The following EML6 variants were observed in gnomAD, a reference collection of about 807,000 sequenced individuals.
EML6 encodes the protein echinoderm microtubule-associated protein-like 6.
EML6 carries 154 observed loss-of-function variants against 240.1 expected under a neutral mutation model. That is an observed-to-expected ratio of 0.64 (90% CI 0.56 to 0.73). The LOEUF is 0.73. Among genes scored for constraint, EML6 ranks in the 30% least tolerant of loss-of-function variants. EML6 has a pLI of 0.00. For synonymous variants in EML6, 1,148 were observed against 899.0 expected (o/e 1.28, Z -4.95); for missense variants, 2,964 against 2,474.6 (o/e 1.20, Z -4.20).
intron 21 of EML6, 125 bp downstream of exon 21, chr2:54,895,525 C>A: frequency 1.2e-6 from 1 of 852,368 alleles, no homozygotes; most frequent in Non-Finnish European, 1.8e-6. Context: ...AAGAGTTGAA[C>A]TAGTTACCTA....
intron 2 of EML6, among the ~76,000 whole-genome samples, chr2:54,738,699 C>T (rs780795957): frequency 2.0e-5 from 3 of 152,174 alleles, no homozygotes; most frequent in Non-Finnish European, 2.9e-5. Context: ...TCAGTCAATA[C>T]TATGTTGATG....
chr2:54,928,316 C>G lies in EML6; in HGVS notation c.3679C>G (p.Gln1227Glu). The G allele has an allele frequency of 6.4e-7, 1 of 1,551,706 alleles. No individual in the cohort carries two copies. The highest frequency in any genetic ancestry group is 8.7e-7 in the Non-Finnish European group (1 of 1,146,878). Residue 1227 changes from glutamine (Q) to glutamate (E), a missense_variant, in exon 27 of 42, where the codon CAG becomes GAG. Coordinates refer to ENST00000356458, the MANE Select transcript of EML6 (RefSeq NM_001039753.4). ...VKLFSYPVKGQHARFKKYVGH... is the reference protein window; with the variant it reads ...VKLFSYPVKGEHARFKKYVGH... ...TAACCAATTTCGGGCTTTACAGGGACAGCACGCAAGATTCAAGAAGTATGT... is the reference window on the plus strand; with the variant it reads ...TAACCAATTTCGGGCTTTACAGGGAGAGCACGCAAGATTCAAGAAGTATGT...
chr2:54,845,008 A>G (rs949400376), intron 8 of EML6, among the ~76,000 whole-genome samples: 4 of 152,182 alleles, frequency 2.6e-5, no homozygotes, highest in African/African-American at 9.6e-5. Context: ...GTGTGAGAGG[A>G]ACAGACTGAT....
At chr2:54,880,859 C>T (rs1671774452) in intron 17 of EML6, 1 of 152,120 alleles carries the variant, frequency 6.6e-6, no homozygotes, top group African/African-American at 2.4e-5. Flanking sequence ...ATTTCAAAAG[C>T]AACAGAAATG....
intron 2 of EML6, among the ~76,000 whole-genome samples, chr2:54,777,653 G>A (rs979519172): frequency 6.6e-6 from 1 of 152,096 alleles, no homozygotes; most frequent in East Asian, 1.9e-4. Context: ...CATGAGTTCT[G>A]TTGGGCACTG....
chr2:54,776,957 TA>T (rs980894931), intron 2 of EML6, among the ~76,000 whole-genome samples: 2 of 151,982 alleles, frequency 1.3e-5, no homozygotes, highest in African/African-American at 2.4e-5. Context: ...TTCTTTGGTT[TA>T]AAAAAAACAC....
At chr2:54,732,375 A>G (rs1683213987) in intron 2 of EML6, among the ~76,000 whole-genome samples, 1 of 151,914 alleles carries the variant, frequency 6.6e-6, no homozygotes, top group African/African-American at 2.4e-5. Context: ...ACCTAATCCA[A>G]GGTCATCAAG....
Position 54,970,123 on chromosome 2 carries a change from T to C in EML6, c.*28T>C. ...TGCCAGAAGCCTCTTATGTTATTGC[T>C]GCTGCTGCTACCAGCCAGCAACTGC... On this transcript the variant is annotated 3_prime_UTR_variant, in exon 42 of 42. Transcript: ENST00000356458. 1.3e-6 allele frequency: 2 copies of C among 1,551,312 alleles called. No individual in the cohort carries two copies. The highest frequency in any genetic ancestry group is 1.4e-5 in the African/African-American group (1 of 73,176).
chr2:54,957,811 G>A lies in EML6; in HGVS notation c.4508G>A (p.Gly1503Glu). 1 of 1,549,984 alleles carries A rather than the reference G, an allele frequency of 6.5e-7. No homozygotes were observed. The highest frequency in any genetic ancestry group is 8.7e-7 in the Non-Finnish European group (1 of 1,146,994). The change falls in exon 33 of 42, where the codon GGG becomes GAG. Residue 1503 changes from glycine (G) to glutamate (E), a missense_variant. Transcript: ENST00000356458. ...WQEGAKVASR[G>E]GHLERIFVVE... ...ACAGGTGCCAAGGTTGCCAGCCGAG[G>A]GGGTCACCTGGAGCGCATATTTGTG...
chr2:54,846,150 G>T (rs895199147), intron 8 of EML6, among the ~76,000 whole-genome samples: 6 of 152,138 alleles, frequency 3.9e-5, no homozygotes, highest in Non-Finnish European at 8.8e-5. Context: ...CAGGAGTCCT[G>T]TGAGGTGTCC....
At chr2:54,780,808 C>T (rs1054268347) in intron 2 of EML6, among the ~76,000 whole-genome samples, 6 of 152,050 alleles carry the variant, frequency 3.9e-5, no homozygotes, top group Admixed American at 1.3e-4. Context: ...GTGAGTCACA[C>T]GAATAATGAT....
At chr2:54,904,419 A>T (rs769532935) in intron 24 of EML6, among the ~76,000 whole-genome samples, 1 of 152,196 alleles carries the variant, frequency 6.6e-6, no homozygotes, top group Non-Finnish European at 1.5e-5. Flanking sequence ...GTAGAGAAGC[A>T]CCAAGCCCAA....
chr2:54,775,395 A>T (rs1334632924), intron 2 of EML6, among the ~76,000 whole-genome samples: 1 of 151,948 alleles, frequency 6.6e-6, no homozygotes, highest in East Asian at 1.9e-4. Context: ...GGACTTTTGG[A>T]CTTGTTCTTT....
At chr2:54,968,364 C>G in intron 40 of EML6, 83 bp downstream of exon 40, 1 of 1,281,026 alleles carries the variant, frequency 7.8e-7, no homozygotes, top group Non-Finnish European at 1.1e-6. Context: ...AGATGGCCCT[C>G]TGGGAGACAC....
rs1235639245 is a variant in EML6 at position 54,950,713 on chromosome 2, C to T, written c.4147C>T (p.Leu1383Phe). Residue 1383 changes from leucine to phenylalanine, a missense_variant, in exon 30 of 42, where the codon CTT becomes TTT. Physicochemically the swap from Leu to Phe is conservative, Grantham distance 22 (BLOSUM62 0). Coordinates refer to ENST00000356458, the MANE Select transcript of EML6 (RefSeq NM_001039753.4). ...GFDCRNNLHY[L>F]NDGADIIFHT... Reference sequence around the variant, plus strand: ...CGACTGTCGAAATAACCTGCATTACCTTAATGATGGCGCTGACATCATCTT... The same window carrying T: ...CGACTGTCGAAATAACCTGCATTACTTTAATGATGGCGCTGACATCATCTT... 2.6e-6 allele frequency: 4 copies of T among 1,551,536 alleles called. No homozygotes were observed. Among genetic ancestry groups the T allele is most frequent in the South Asian group, 1.2e-5 (1 of 84,062 alleles).
chr2:54,964,660 G>A lies in EML6; in HGVS notation c.5420G>A (p.Arg1807His), dbSNP rs1285317053. Residue 1807 changes from arginine to histidine, a missense_variant, in exon 38 of 42, where the codon CGC (arginine) becomes CAC (histidine). Arg to His is a conservative substitution (Grantham distance 29, BLOSUM62 0). Transcript: ENST00000356458. ...CTCACTCAGGGCACAAATCTGAACC[G>A]CATTGGCTACTGCAAAGATATCCCA... ...YDLTQGTNLN[R>H]IGYCKDIPSF... 3.2e-6 allele frequency: 5 copies of A among 1,552,326 alleles called. No individual in the cohort carries two copies. Among genetic ancestry groups the A allele is most frequent in the Non-Finnish European group, 4.4e-6 (5 of 1,147,102 alleles).
At chr2:54,761,647 G>C (rs1054607652) in intron 2 of EML6, among the ~76,000 whole-genome samples, 1 of 152,044 alleles carries the variant, frequency 6.6e-6, no homozygotes, top group African/African-American at 2.4e-5. Context: ...TAATTTGTCT[G>C]AATTATGATA....
At chr2:54,959,840 C>T (rs1346519335) in intron 34 of EML6, among the ~76,000 whole-genome samples, 2 of 152,106 alleles carry the variant, frequency 1.3e-5, no homozygotes, top group African/African-American at 2.4e-5. Flanking sequence ...GTTGATAAAA[C>T]GTTATTCTTA....
intron 17 of EML6, chr2:54,882,651 G>A (rs1195776389): frequency 6.6e-6 from 1 of 152,034 alleles, no homozygotes; most frequent in African/African-American, 2.4e-5. Flanking sequence ...GAGGTCAGGA[G>A]ATGGAGACCA....
Sources: gnomAD v4.1 joint callset for allele counts (sites outside exome capture counted in the v4.1 genomes callset) on GRCh38, gnomAD v4.1.1 for gene constraint, MANE v1.5 for transcripts, NCBI Gene and HGNC (gene_info 2026-07-23, HGNC 2026-07-21) for gene names.